EFCAB11: variants seen among roughly 807,000 people sequenced by gnomAD.
EFCAB11 encodes the protein EF-hand calcium binding domain 11, also known as EF-hand calcium-binding domain-containing protein 11.
Under a neutral mutation model 23.0 loss-of-function variants are expected in EFCAB11, and 14 were observed. That is an observed-to-expected ratio of 0.61 (90% CI 0.40 to 0.95). The LOEUF (loss-of-function observed/expected upper bound fraction) is 0.95, where lower values mean the gene tolerates loss of function less well. EFCAB11 is among the 40% of genes least tolerant of loss of function. The probability of loss-of-function intolerance (pLI) is 0.00; values close to 1 mark genes in which losing one functional copy is unlikely to be tolerated. For synonymous variants in EFCAB11, 65 were observed against 66.6 expected, an observed-to-expected ratio of 0.98 and a Z score of 0.11; for missense variants, 198 against 195.8, an observed-to-expected ratio of 1.01 and a Z score of -0.07.
chr14:89,893,903 A>C (rs758844424), intron 5 of EFCAB11, among the ~76,000 whole-genome samples: 35 of 152,098 alleles, frequency 2.3e-4, no homozygotes, highest in Non-Finnish European at 4.6e-4. Flanking sequence ...GTTATTCATC[A>C]TATTAATGAA....
intron 5 of EFCAB11, among the ~76,000 whole-genome samples, chr14:89,813,801 C>T (rs1886232701): frequency 1.3e-5 from 2 of 152,086 alleles, no homozygotes; most frequent in African/African-American, 4.8e-5. Context: ...CCAAGGAAAA[C>T]CATTTCACAC....
chr14:89,886,545 GGA>G (rs1888789121), intron 5 of EFCAB11, among the ~76,000 whole-genome samples: 1 of 54,352 alleles, frequency 1.8e-5, no homozygotes, highest in Admixed American at 2.2e-4. Context: ...AAAAAAAAAA[GGA>G]AAGTGATCTG....
At chr14:89,932,711 A>G in intron 3 of EFCAB11, 84 bp from the exon 4 acceptor site, 1 of 1,034,562 alleles carries the variant, frequency 9.7e-7, no homozygotes, top group Non-Finnish European at 1.5e-6. Context: ...ACAGTAATAA[A>G]TCTCACCAAT....
At chr14:89,830,702 T>C (rs1185184621) in intron 5 of EFCAB11, 1 of 152,240 alleles carries the variant, frequency 6.6e-6, no homozygotes, top group African/African-American at 2.4e-5. Context: ...CAGTACTAGT[T>C]GAGCCTGAAA....
At chr14:89,857,013 C>G (rs1316461564) in intron 5 of EFCAB11, among the ~76,000 whole-genome samples, 7 of 152,174 alleles carry the variant, frequency 4.6e-5, no homozygotes, top group African/African-American at 1.7e-4. Flanking sequence ...ACTTGGGGCT[C>G]CCAACACAGT....
chr14:89,872,914 C>T (rs1888327354), intron 5 of EFCAB11, among the ~76,000 whole-genome samples: 1 of 152,110 alleles, frequency 6.6e-6, no homozygotes, highest in African/African-American at 2.4e-5. Flanking sequence ...AGGTAGCCAT[C>T]TGCAAGCCAA....
At chr14:89,869,136 G>A (rs533712271) in intron 5 of EFCAB11, among the ~76,000 whole-genome samples, 1 of 152,138 alleles carries the variant, frequency 6.6e-6, no homozygotes, top group Non-Finnish European at 1.5e-5. Flanking sequence ...CAAGGAGCTC[G>A]AGGCTGCAGT....
At chr14:89,890,467 T>C (rs1167222407) in intron 5 of EFCAB11, among the ~76,000 whole-genome samples, 1 of 152,226 alleles carries the variant, frequency 6.6e-6, no homozygotes, top group Non-Finnish European at 1.5e-5. Flanking sequence ...TAAGTGATAC[T>C]CTTTTCTAAC....
chr14:89,943,241 A>G (rs1477181028), intron 3 of EFCAB11, among the ~76,000 whole-genome samples: 1 of 150,610 alleles, frequency 6.6e-6, no homozygotes, highest in Non-Finnish European at 1.5e-5. Context: ...CCAGCATTTC[A>G]GACCTGTTTT....
intron 5 of EFCAB11, among the ~76,000 whole-genome samples, chr14:89,901,160 C>T (rs1889326879): frequency 6.6e-6 from 1 of 152,104 alleles, no homozygotes; most frequent in Non-Finnish European, 1.5e-5. Flanking sequence ...CCCTACTCTT[C>T]CCAGAAGAGA....
intron 3 of EFCAB11, among the ~76,000 whole-genome samples, chr14:89,933,963 A>G (rs902843957): frequency 1.3e-5 from 2 of 152,202 alleles, no homozygotes; most frequent in Admixed American, 1.3e-4. Context: ...GGCAGTAGGA[A>G]CAGCCTGTGC....
intron 5 of EFCAB11, among the ~76,000 whole-genome samples, chr14:89,921,937 G>T (rs1380616289): frequency 6.6e-6 from 1 of 152,038 alleles, no homozygotes; most frequent in African/African-American, 2.4e-5. Context: ...CCACCTAGAA[G>T]TTAGCTATCT....
At chr14:89,925,775 A>G (rs1290628754) in intron 5 of EFCAB11, among the ~76,000 whole-genome samples, 1 of 151,392 alleles carries the variant, frequency 6.6e-6, no homozygotes, top group Non-Finnish European at 1.5e-5. Flanking sequence ...CCTCCTGGGT[A>G]GCTGGGTCTA....
Position 89,954,599 on chromosome 14 carries a change from C to G in EFCAB11, c.62G>C (p.Arg21Thr), listed in dbSNP as rs770396437. The change falls in exon 1 of 6, where the codon AGG (arginine) becomes ACG (threonine). Residue 21 changes from arginine to threonine, a missense_variant. Transcript: ENST00000316738. ...RTWEASPSEH[R>T]KWVEVFKACD... ...CCGGAAACCTACTTCCACCCACTTC[C>G]TGTGTTCCGAGGGACTGGCTTCCCA... 6.2e-7 allele frequency: 1 copy of G among 1,613,900 alleles called. No individual in the cohort carries two copies. The highest frequency in any genetic ancestry group is 1.3e-5 in the African/African-American group (1 of 75,050).
At chr14:89,924,714 T>C (rs1890135466) in intron 5 of EFCAB11, 2 of 1,534,792 alleles carry the variant, frequency 1.3e-6, no homozygotes, top group East Asian at 2.4e-5. Flanking sequence ...AGAGATTAAT[T>C]CATGAAAATC....
At chr14:89,953,591 T>C (rs1427863725) in intron 2 of EFCAB11, among the ~76,000 whole-genome samples, 1 of 152,186 alleles carries the variant, frequency 6.6e-6, no homozygotes, top group African/African-American at 2.4e-5. Context: ...CTATGTCATG[T>C]CCTATGTAAA....
At chr14:89,802,885 T>C (rs867222152) in intron 5 of EFCAB11, among the ~76,000 whole-genome samples, 14 of 152,344 alleles carry the variant, frequency 9.2e-5, no homozygotes, top group Middle Eastern at 3.4e-3. Context: ...TTCCAAACAA[T>C]TGGCCTTATT....
intron 5 of EFCAB11, among the ~76,000 whole-genome samples, chr14:89,837,386 G>A (rs1394364618): frequency 1.3e-5 from 2 of 151,842 alleles, no homozygotes; most frequent in African/African-American, 2.4e-5. Context: ...CTTCCTTCTG[G>A]TAATGGCTAC....
rs559011368 is a variant in EFCAB11 at position 89,885,474 on chromosome 14, C to T, written c.410+46067G>A. Among the ~76,000 whole-genome samples, 69 of 152,080 alleles carry T rather than the reference C, an allele frequency of 4.5e-4. 1 individual carries two copies. Among genetic ancestry groups the T allele is most frequent in the African/African-American group, 1.6e-3 (67 of 41,482 alleles). On this transcript the variant is annotated intron_variant, in intron 5 of 5. Coordinates refer to ENST00000316738, the MANE Select transcript of EFCAB11 (RefSeq NM_145231.4). ...CAGGTGGATTACGAGATCAGGAGAT[C>T]GAGACCATCCTGGCTAACATGGTGA...
Sources: allele counts gnomAD v4.1 joint callset (sites outside exome capture counted in the v4.1 genomes callset), GRCh38; gene constraint gnomAD v4.1.1; transcripts MANE v1.5; gene names NCBI Gene and HGNC (gene_info 2026-07-23, HGNC 2026-07-21).